The following YWHAG variants were observed in gnomAD, a reference collection of about 807,000 sequenced individuals.
YWHAG encodes tyrosine 3-monooxygenase/tryptophan 5-monooxygenase activation protein gamma.
Under a neutral mutation model 23.3 loss-of-function variants are expected in YWHAG, and 1 was observed. That is an observed-to-expected ratio of 0.04 (90% CI 0.02 to 0.20). YWHAG has a LOEUF of 0.20. YWHAG is among the 10% of genes least tolerant of loss of function. YWHAG has a pLI of 1.00. For missense variants in YWHAG, 151 were observed against 338.6 expected (o/e 0.45, Z 4.35); for synonymous variants, 160 against 144.0 (o/e 1.11, Z -0.80).
At chr7:76,350,918 A>T (rs1803863316) in intron 1 of YWHAG, among the ~76,000 whole-genome samples, 1 of 152,178 alleles carries the variant, frequency 6.6e-6, no homozygotes, top group Non-Finnish European at 1.5e-5. Context: ...CCACACATCA[A>T]TATTATTTAC....
In YWHAG at chr7:76,328,991, A is replaced by C. The variant is rs969971072; in HGVS notation, c.*586T>G. The C allele has an allele frequency of 2.8e-4, 43 of 152,854 alleles. 2 individuals are homozygous for C. Among genetic ancestry groups the C allele is most frequent in the Non-Finnish European group, 1.5e-5 (1 of 68,206 alleles). 9.5% of individuals were successfully genotyped at this position (152,854 alleles called of 1,614,324 possible). ...TGGCTGTAATGTAGAAATACTGTAAACTGCAATTTAGTGTTAATACTGTCA... is the reference window on the plus strand; with the variant it reads ...TGGCTGTAATGTAGAAATACTGTAACCTGCAATTTAGTGTTAATACTGTCA... On this transcript the variant is annotated 3_prime_UTR_variant, in exon 2 of 2. Coordinates refer to ENST00000307630, the MANE Select transcript of YWHAG (RefSeq NM_012479.4).
chr7:76,334,354 T>TCAATGTGGGAAGATAC (rs1803587776), intron 1 of YWHAG, among the ~76,000 whole-genome samples: 1 of 152,206 alleles, frequency 6.6e-6, no homozygotes, highest in African/African-American at 2.4e-5. Context: ...GAATGACTAT[T>TCAATGTGGGAAGATAC]CAATGTGGGA....
At chr7:76,351,058 G>A (rs546300188) in intron 1 of YWHAG, among the ~76,000 whole-genome samples, 15 of 152,160 alleles carry the variant, frequency 9.9e-5, no homozygotes, top group African/African-American at 3.1e-4. Context: ...AAAAAAGCAA[G>A]GTGCAAAAGA....
At chr7:76,344,148 T>A (rs1238983475) in intron 1 of YWHAG, among the ~76,000 whole-genome samples, 1 of 152,084 alleles carries the variant, frequency 6.6e-6, no homozygotes, top group Non-Finnish European at 1.5e-5. Context: ...TCTCGCTCTG[T>A]TGCCTAGGCT....
chr7:76,338,207 C>T (rs73703138), intron 1 of YWHAG, among the ~76,000 whole-genome samples: 1,915 of 152,252 alleles, frequency 0.013, 42 homozygotes, highest in African/African-American at 0.043. Flanking sequence ...ACATAGCAAA[C>T]TGCATGGAAA....
intron 1 of YWHAG, among the ~76,000 whole-genome samples, chr7:76,349,698 A>G (rs1410066640): frequency 6.6e-6 from 1 of 152,210 alleles, no homozygotes; most frequent in African/African-American, 2.4e-5. Flanking sequence ...TAAATAGATC[A>G]AGTTCCAAAC....
intron 1 of YWHAG, among the ~76,000 whole-genome samples, chr7:76,342,417 CTA>C (rs1803711297): frequency 6.6e-6 from 1 of 152,198 alleles, no homozygotes; most frequent in South Asian, 2.1e-4. Context: ...GTCTCTGACC[CTA>C]TGTTGCACAC....
At chr7:76,348,433 T>TG (rs1158730765) in intron 1 of YWHAG, among the ~76,000 whole-genome samples, 4 of 150,552 alleles carry the variant, frequency 2.7e-5, no homozygotes, top group African/African-American at 7.3e-5. Flanking sequence ...TTTTTTTTTT[T>TG]TTTTTTTTGA....
chr7:76,356,669 T>G (rs1803965994), intron 1 of YWHAG, among the ~76,000 whole-genome samples: 1 of 152,250 alleles, frequency 6.6e-6, no homozygotes, highest in Non-Finnish European at 1.5e-5. Context: ...AAATTTCTAC[T>G]TTTATTCCAT....
intron 1 of YWHAG, among the ~76,000 whole-genome samples, chr7:76,353,235 T>C (rs543491364): frequency 3.4e-4 from 51 of 151,696 alleles, no homozygotes; most frequent in Non-Finnish European, 1.0e-4. Context: ...TTTTTCAAGA[T>C]GGAGTCTTGC....
Position 76,329,136 on chromosome 7 carries a change from A to C in YWHAG, c.*441T>G. On this transcript the variant is annotated 3_prime_UTR_variant, in exon 2 of 2. Coordinates refer to ENST00000307630, the MANE Select transcript of YWHAG (RefSeq NM_012479.4). This position sits in a 1 kb window ranked among gnomAD's most constrained non-coding sequence, Gnocchi z 6.1. ...TCCATGTCTGTAGGCTACACCCTGG[A>C]AAACATGCAGAGCCGAGACAGATGA... 5.8e-6 allele frequency: 1 copy of C among 172,684 alleles called. No individual in the cohort carries two copies. Among genetic ancestry groups the C allele is most frequent in the Non-Finnish European group, 1.2e-5 (1 of 80,460 alleles). 10.7% of individuals were successfully genotyped at this position (172,684 alleles called of 1,614,324 possible). A position where few individuals can be genotyped will look rare whatever the true frequency, so the allele number is the denominator to read the frequency against.
In YWHAG at chr7:76,328,335, GT is replaced by G. The variant is rs749725542; in HGVS notation, c.*1241del. Reference sequence around the variant, plus strand: ...CTGGTCAAATAGGAGTTCAGTGTTTGTTATCTGGTAACAGTTTTTTTATCTT... The same window carrying G: ...CTGGTCAAATAGGAGTTCAGTGTTTGTATCTGGTAACAGTTTTTTTATCTT... On this transcript the variant is annotated 3_prime_UTR_variant, in exon 2 of 2. Transcript: ENST00000307630. 6.6e-6 allele frequency: 1 copy of G among 152,212 alleles called. No homozygotes were observed. Among genetic ancestry groups the G allele is most frequent in the Non-Finnish European group, 1.5e-5 (1 of 68,044 alleles). The allele number at this position is 152,212 out of a possible 1,614,324, so 9.4% of individuals were successfully genotyped here.
In YWHAG at chr7:76,358,809, C is replaced by T. The variant is rs1245116217; in HGVS notation, c.-1G>A. 6.3e-7 allele frequency: 1 copy of T among 1,592,144 alleles called. No individual in the cohort carries two copies. The highest frequency in any genetic ancestry group is 1.1e-5 in the South Asian group (1 of 88,052). The stretch of plus-strand genomic sequence containing the variant: ...GCACCAGTTGCTCGCGGTCCACCAT[C>T]TTCGCGGGGCTGGGTCTGGCCGGAG... On this transcript the variant is annotated 5_prime_UTR_variant, in exon 1 of 2. Transcript: ENST00000307630.
intron 1 of YWHAG, among the ~76,000 whole-genome samples, chr7:76,332,092 G>C (rs1803551137): frequency 6.6e-6 from 1 of 152,158 alleles, no homozygotes; most frequent in Admixed American, 6.5e-5. Flanking sequence ...CTGATGCTCT[G>C]TTTTAATGCT....
In YWHAG at chr7:76,329,492, C is replaced by CG; in HGVS notation, c.*84_*85insC. The CG allele has an allele frequency of 9.3e-7, 1 of 1,070,710 alleles. No homozygotes were observed. The highest frequency in any genetic ancestry group is 1.3e-6 in the Non-Finnish European group (1 of 782,490). The allele number at this position is 1,070,710 out of a possible 1,614,324, so 66.3% of individuals were successfully genotyped here. On this transcript the variant is annotated 3_prime_UTR_variant, in exon 2 of 2. Transcript: ENST00000307630. The surrounding 1 kb of genome is among the most constrained non-coding windows in gnomAD (Gnocchi z 6.1). ...CTGGGAAGGTCATCCCTCCCTTTCC[C>CG]TCCCCCACCCGACCCCCAACTCATG...
chr7:76,329,201 C>A lies in YWHAG; in HGVS notation c.*376G>T. The A allele has an allele frequency of 4.8e-6, 1 of 206,980 alleles. No homozygotes were observed. The highest frequency in any genetic ancestry group is 5.3e-5 in the Admixed American group (1 of 18,772). The allele number at this position is 206,980 out of a possible 1,614,324, so 12.8% of individuals were successfully genotyped here. A position where few individuals can be genotyped will look rare whatever the true frequency, so the allele number is the denominator to read the frequency against. On this transcript the variant is annotated 3_prime_UTR_variant, in exon 2 of 2. Coordinates refer to ENST00000307630, the MANE Select transcript of YWHAG (RefSeq NM_012479.4). The surrounding 1 kb of genome is among the most constrained non-coding windows in gnomAD (Gnocchi z 6.1). ...AAAACGAGAGACGAGAGCGTATGTA[C>A]ATAAAAATCCTTACTGGAACCACAG...
intron 1 of YWHAG, among the ~76,000 whole-genome samples, chr7:76,350,673 A>G (rs1161780547): frequency 6.6e-6 from 1 of 152,100 alleles, no homozygotes; most frequent in Non-Finnish European, 1.5e-5. Flanking sequence ...GGGAAACCCC[A>G]TTTCTACTAA....
chr7:76,332,169 G>A (rs1330918582), intron 1 of YWHAG, among the ~76,000 whole-genome samples: 1 of 152,186 alleles, frequency 6.6e-6, no homozygotes, highest in Admixed American at 6.5e-5. Context: ...AGAATAGGGG[G>A]TGGGTACTAC....
rs368139858 is a variant in YWHAG at position 76,349,871 on chromosome 7, G to A, written c.87+8851C>T. Among the ~76,000 whole-genome samples, 3 of 152,262 alleles carry A rather than the reference G, an allele frequency of 2.0e-5. No homozygotes were observed. The East Asian group carries it at 5.8e-4, about 29-fold the overall frequency. On this transcript the variant is annotated intron_variant, in intron 1 of 1. Transcript: ENST00000307630. ...TAGCCAGGCGTGGTGGTGGGCACCT[G>A]TAATCCCAGCTACTGGGGAGGCTGA... is the stretch of plus-strand genomic sequence containing the variant.
Sources: gnomAD v4.1 joint callset for allele counts (sites outside exome capture counted in the v4.1 genomes callset) on GRCh38, gnomAD v4.1.1 for gene constraint, Gnocchi (gnomAD v3.1) non-coding constraint, MANE v1.5 for transcripts, NCBI Gene and HGNC (gene_info 2026-07-23, HGNC 2026-07-21) for gene names.